Variants in ADAMTS1 observed in about 807,000 individuals in gnomAD.
ADAMTS1 encodes the protein ADAM metallopeptidase with thrombospondin type 1 motif 1.
A neutral mutation model predicts 87.9 loss-of-function variants in ADAMTS1; 19 were observed. The observed-to-expected ratio is 0.22, with a 90% CI of 0.15 to 0.32. The LOEUF (loss-of-function observed/expected upper bound fraction) is 0.32. ADAMTS1 is among the 10% of genes least tolerant of loss of function. The pLI is 1.00. For synonymous variants in ADAMTS1, 542 were observed against 501.8 expected (o/e 1.08, Z -1.07); for missense variants, 1,240 against 1,259.1 (o/e 0.98, Z 0.23).
At chr21:26,838,992 T>C (rs746612094) in intron 7 of ADAMTS1, 1 of 179,970 alleles carries the variant, frequency 5.6e-6, no homozygotes, top group Non-Finnish European at 1.2e-5. Context: ...CTTGGGAATA[T>C]TTTCATAGCC....
In ADAMTS1 at chr21:26,844,288, C is replaced by T. The variant is rs763523932; in HGVS notation, c.667G>A (p.Glu223Lys). ...GGCGACCACTGAGCCCCTTCGTCCT[C>T]GCCCTCAGTCCCTTCGTCCTCGTCT... ...TEDEDEGTEG[E>K]DEGAQWSPQD... Residue 223 changes from glutamate (E) to lysine (K), a missense_variant, in exon 1 of 9, where the codon GAG (glutamate) becomes AAG (lysine). Coordinates refer to ENST00000284984, the MANE Select transcript of ADAMTS1 (RefSeq NM_006988.5). 1 of 1,606,072 alleles carries T rather than the reference C, an allele frequency of 6.2e-7. No individual in the cohort carries two copies. The highest frequency in any genetic ancestry group is 1.1e-5 in the South Asian group (1 of 89,684).
rs927734827 is a variant in ADAMTS1, at chr21:26,836,917, T to A, written c.*662A>T. 9 of 152,244 alleles carry A rather than the reference T, an allele frequency of 5.9e-5. No individual in the cohort carries two copies. 9.4% of individuals were successfully genotyped at this position (152,244 alleles called of 1,614,324 possible). A position where few individuals can be genotyped will look rare whatever the true frequency, so the allele number is the denominator to read the frequency against. On this transcript the variant is annotated 3_prime_UTR_variant, in exon 9 of 9. Coordinates refer to ENST00000284984, the MANE Select transcript of ADAMTS1 (RefSeq NM_006988.5). ...TTGAATAAATACATGGAGTTGTTTT[T>A]TCCTCAAAATGAATTACACAAATAA...
Position 26,844,569 on chromosome 21 carries a change from A to AG in ADAMTS1, c.385_386insC (p.Val129AlafsTer93). On this transcript the variant is annotated frameshift_variant, in exon 1 of 9. Coordinates refer to ENST00000284984, the MANE Select transcript of ADAMTS1 (RefSeq NM_006988.5). LOFTEE classifies it high-confidence loss of function. ...GGCAGCCGAGCTGGGATCGCCATTC[A>AG]CGGTGCCGGAGTAGAAGCAGTGCGC... 1 of 1,610,838 alleles carries AG rather than the reference A, an allele frequency of 6.2e-7. No homozygotes were observed. Among genetic ancestry groups the AG allele is most frequent in the Non-Finnish European group, 8.5e-7 (1 of 1,178,854 alleles).
intron 1 of ADAMTS1, chr21:26,843,612 C>T (rs769351047): frequency 1.7e-5 from 8 of 461,672 alleles, no homozygotes; most frequent in Non-Finnish European, 3.1e-5. Context: ...GGGGCAAACC[C>T]GGGAAAGACC....
chr21:26,843,278 A>C (rs1336515270), intron 1 of ADAMTS1, among the ~76,000 whole-genome samples: 1 of 152,204 alleles, frequency 6.6e-6, no homozygotes, highest in Non-Finnish European at 1.5e-5. Context: ...CCAGCGAAAT[A>C]AGTTCCAGCT....
In ADAMTS1 at chr21:26,838,454, G is replaced by A. The variant is rs535511745; in HGVS notation, c.2189C>T (p.Ser730Leu). ...TAAAACTTACTTTGCACTAGTAACT[G>A]ATCCTGATATTTTTTTACAAGTAGA... is the stretch of plus-strand genomic sequence containing the variant. ...NGSTCKKISGSVTSAKPGYHD... is the reference protein window; with the variant it reads ...NGSTCKKISGLVTSAKPGYHD... Residue 730 changes from serine (S) to leucine (L), a missense_variant, in exon 8 of 9, where the codon TCA (serine) becomes TTA (leucine). Coordinates refer to ENST00000284984, the MANE Select transcript of ADAMTS1 (RefSeq NM_006988.5). 6.2e-7 allele frequency: 1 copy of A among 1,614,122 alleles called. No individual in the cohort carries two copies. Among genetic ancestry groups the A allele is most frequent in the Non-Finnish European group, 8.5e-7 (1 of 1,180,028 alleles).
At position 26,845,179 on chromosome 21, in the gene ADAMTS1, A is replaced by T. The variant is rs763825514; in HGVS notation, c.-225T>A. 6.0e-6 allele frequency: 3 copies of T among 497,800 alleles called. No homozygotes were observed. Among genetic ancestry groups the T allele is most frequent in the Non-Finnish European group, 9.6e-6 (3 of 314,068 alleles). 30.8% of individuals were successfully genotyped at this position (497,800 alleles called of 1,614,324 possible). ...GCGGGAAGTTTTTCTTCCAGCGCAA[A>T]GTTGGAGACACTGAGAGGCAGGCGC... On this transcript the variant is annotated 5_prime_UTR_variant, in exon 1 of 9. Transcript: ENST00000284984.
At chr21:26,840,592 A>G in intron 4 of ADAMTS1, 30 bp from the exon 5 acceptor site, 9 of 1,606,596 alleles carry the variant, frequency 5.6e-6, no homozygotes, top group Non-Finnish European at 7.7e-6. Flanking sequence ...CAATATCAAT[A>G]CAGAGTTAGT....
intron 3 of ADAMTS1, 28 bp downstream of exon 3, chr21:26,841,830 C>A: frequency 6.2e-7 from 1 of 1,601,690 alleles, no homozygotes. Flanking sequence ...CTGAATTGAG[C>A]TTAACTTCTA....
Position 26,838,529 on chromosome 21 carries a change from A to G in ADAMTS1, c.2114T>C (p.Ile705Thr). 4 of 1,614,200 alleles carry G rather than the reference A, an allele frequency of 2.5e-6. No individual in the cohort carries two copies. The African/African-American group carries it at 4.0e-5, about 16-fold the overall frequency. ...TTTATCAAACTTCTTTTTGGAGTCT[A>G]TGATGCGATCACAACCAGCTTTTAC... ...QCVKAGCDRI[I>T]DSKKKFDKCG... Residue 705 changes from isoleucine (I) to threonine (T), a missense_variant, in exon 8 of 9, where the codon ATA (isoleucine) becomes ACA (threonine). By Grantham distance (89) the Ile-to-Thr change is moderately conservative. This residue lies in a region of ADAMTS1 where 402 missense variants were observed against 399.1 expected (regional missense o/e 1.01). Coordinates refer to ENST00000284984, the MANE Select transcript of ADAMTS1 (RefSeq NM_006988.5).
At chr21:26,840,926 A>T in intron 4 of ADAMTS1, 72 bp downstream of exon 4, 1 of 1,498,206 alleles carries the variant, frequency 6.7e-7, no homozygotes, top group Non-Finnish European at 9.1e-7. Context: ...CAAAAAGGAA[A>T]GAGTTCATTT....
At position 26,838,427 on chromosome 21, in the gene ADAMTS1, T is replaced by C. The variant is rs200305587; in HGVS notation, c.2204+12A>G. ...AATTATAAGGTCTGCAAATAGGTGT[T>C]TTAAAACTTACTTTGCACTAGTAAC... On this transcript the variant is annotated intron_variant, in intron 8 of 8. Transcript: ENST00000284984. 1.2e-6 allele frequency: 2 copies of C among 1,614,100 alleles called. No individual in the cohort carries two copies. Among genetic ancestry groups the C allele is most frequent in the Non-Finnish European group, 1.7e-6 (2 of 1,179,978 alleles).
At chr21:26,840,601 G>A in intron 4 of ADAMTS1, 39 bp from the exon 5 acceptor site, 1 of 1,596,648 alleles carries the variant, frequency 6.3e-7, no homozygotes, top group African/African-American at 1.3e-5. Context: ...TACAGAGTTA[G>A]TGAGGGCATG....
chr21:26,840,787 A>G (rs1985477501), intron 4 of ADAMTS1, among the ~76,000 whole-genome samples: 6 of 152,232 alleles, frequency 3.9e-5, no homozygotes. Context: ...TTGATCTGCG[A>G]ACAATGTGAA....
At position 26,844,907 on chromosome 21, in the gene ADAMTS1, G is replaced by A. The variant is rs762944497; in HGVS notation, c.48C>T (p.Ser16=). 6.6e-7 allele frequency: 1 copy of A among 1,522,806 alleles called. No homozygotes were observed. Among genetic ancestry groups the A allele is most frequent in the East Asian group, 2.3e-5 (1 of 43,806 alleles). The allele number at this position is 1,522,806 out of a possible 1,614,324, so 94.3% of individuals were successfully genotyped here. ...PEGFGRRKLG[S]DMGNAERAPG... ...GAGCCCGCTCCGCGTTCCCCATGTC[G>A]CTGCCCAGCTTGCGCCTTCCGAACC... The change falls in exon 1 of 9, where the codon AGC becomes AGT. Residue 16 remains serine (S), a synonymous_variant. Coordinates refer to ENST00000284984, the MANE Select transcript of ADAMTS1 (RefSeq NM_006988.5).
intron 2 of ADAMTS1, 126 bp downstream of exon 2, chr21:26,842,213 A>T: frequency 9.4e-7 from 1 of 1,058,722 alleles, no homozygotes; most frequent in Non-Finnish European, 1.3e-6. Flanking sequence ...GAGTAAGATA[A>T]ACCATGCTAG....
Position 26,837,909 on chromosome 21 carries a change from C to A in ADAMTS1, c.2574G>T (p.Trp858Cys). ...AACATTCGCCCCACTCTTCAATGAC[C>A]CATGCTGAAAAAGTGGGGATAGCAT... is the stretch of plus-strand genomic sequence containing the variant. ...SFNAIPTFSA[W>C]VIEEWGECSK... is the part of the protein sequence containing the mutation. The change falls in exon 9 of 9, where the codon TGG becomes TGT. Residue 858 changes from tryptophan (W) to cysteine (C), a missense_variant. Trp to Cys is a radical substitution (Grantham distance 215). Around this residue, in one of 3 missense-constraint regions of ADAMTS1, gnomAD observed 402 missense variants for 399.1 expected, o/e 1.01. Coordinates refer to ENST00000284984, the MANE Select transcript of ADAMTS1 (RefSeq NM_006988.5). 14 of 1,614,186 alleles carry A rather than the reference C, an allele frequency of 8.7e-6. No individual in the cohort carries two copies. Among genetic ancestry groups the A allele is most frequent in the Non-Finnish European group, 1.1e-5 (13 of 1,180,024 alleles).
Position 26,841,084 on chromosome 21 carries a change from G to T in ADAMTS1, c.1292C>A (p.Ala431Glu), listed in dbSNP as rs759762244. The T allele has an allele frequency of 1.2e-6, 2 of 1,614,040 alleles. No homozygotes were observed. Among genetic ancestry groups the T allele is most frequent in the Non-Finnish European group, 1.7e-6 (2 of 1,180,034 alleles). Reference sequence around the variant, plus strand: ...GTGGTCCAGGTTGGAAAGCATTGACGCCATCATGTGGGAATCCTGGTTCAC... The same window carrying T: ...GTGGTCCAGGTTGGAAAGCATTGACTCCATCATGTGGGAATCCTGGTTCAC... ...NGVNQDSHMM[A>E]SMLSNLDHSQ... Residue 431 changes from alanine to glutamate, a missense_variant, in exon 4 of 9, where the codon GCG becomes GAG. This residue lies in a region of ADAMTS1 where 317 missense variants were observed against 410.3 expected (regional missense o/e 0.77). Coordinates refer to ENST00000284984, the MANE Select transcript of ADAMTS1 (RefSeq NM_006988.5).
intron 1 of ADAMTS1, chr21:26,843,407 A>G: frequency 2.2e-6 from 1 of 456,064 alleles, no homozygotes; most frequent in South Asian, 1.6e-5. Flanking sequence ...GGAGCAGGGG[A>G]AAAGGGGAGA....
Sources: allele counts gnomAD v4.1 joint callset (sites outside exome capture counted in the v4.1 genomes callset), GRCh38; gene constraint gnomAD v4.1.1; regional missense constraint gnomAD v4.1.1; transcripts MANE v1.5; gene names NCBI Gene and HGNC (gene_info 2026-07-23, HGNC 2026-07-21).